Variants in PCSK2 observed in about 807,000 individuals in gnomAD.
PCSK2 encodes the protein proprotein convertase subtilisin/kexin type 2, also known as neuroendocrine convertase 2.
Under a neutral mutation model 69.7 loss-of-function variants are expected in PCSK2, and 14 were observed. That is an observed-to-expected ratio of 0.20 (90% CI 0.13 to 0.31). The LOEUF (loss-of-function observed/expected upper bound fraction) is 0.31, where lower values mean the gene tolerates loss of function less well. PCSK2 is among the 10% of genes least tolerant of loss of function. The probability of loss-of-function intolerance (pLI) is 1.00; values close to 1 mark genes in which losing one functional copy is unlikely to be tolerated. For synonymous variants in PCSK2, 307 were observed against 320.7 expected (o/e 0.96, Z 0.46); for missense variants, 544 against 842.5 (o/e 0.65, Z 4.39).
intron 2 of PCSK2, among the ~76,000 whole-genome samples, chr20:17,272,068 C>A (rs1568578744): frequency 6.6e-6 from 1 of 152,134 alleles, no homozygotes; most frequent in African/African-American, 2.4e-5. Context: ...ATCTATCTTC[C>A]ATGTGAGAAC....
chr20:17,477,434 T>C (rs1388349849), intron 11 of PCSK2, among the ~76,000 whole-genome samples: 1 of 152,046 alleles, frequency 6.6e-6, no homozygotes, highest in African/African-American at 2.4e-5. Flanking sequence ...AATATTTTTT[T>C]CTTAAATCAG....
intron 6 of PCSK2, among the ~76,000 whole-genome samples, chr20:17,425,311 A>G (rs560432018): frequency 6.6e-6 from 1 of 152,280 alleles, no homozygotes; most frequent in East Asian, 1.9e-4. Context: ...CACCAGCCTC[A>G]AAGTGCGCAT....
chr20:17,240,641 G>C (rs1036210220), intron 1 of PCSK2, among the ~76,000 whole-genome samples: 3 of 152,172 alleles, frequency 2.0e-5, no homozygotes, highest in Admixed American at 2.0e-4. Context: ...TTCGTCAGAG[G>C]CTAGAAAGAA....
rs1327503042 is a variant in PCSK2 at position 17,227,215 on chromosome 20, T to C, written c.-91T>C. ...TACAAAGATTTTTTTAAAAACTATA[T>C]ATAAGAATTCTTTATTTGCACCCTC... On this transcript the variant is annotated 5_prime_UTR_variant, in exon 1 of 12. Coordinates refer to ENST00000262545, the MANE Select transcript of PCSK2 (RefSeq NM_002594.5). 1.2e-6 allele frequency: 1 copy of C among 849,564 alleles called. No homozygotes were observed. The highest frequency in any genetic ancestry group is 2.5e-5 in the East Asian group (1 of 40,656). The allele number at this position is 849,564 out of a possible 1,614,324, so 52.6% of individuals were successfully genotyped here. A position where few individuals can be genotyped will look rare whatever the true frequency, so the allele number is the denominator to read the frequency against.
chr20:17,300,528 A>G (rs8125363), intron 2 of PCSK2, among the ~76,000 whole-genome samples: 1 of 152,192 alleles, frequency 6.6e-6, no homozygotes, highest in African/African-American at 2.4e-5. Context: ...CAGTTTTTGC[A>G]TCCCTTTTAG....
Position 17,341,637 on chromosome 20 carries a change from G to A in PCSK2, c.283-16690G>A, listed in dbSNP as rs564082256. Among the ~76,000 whole-genome samples the A allele has an allele frequency of 1.2e-4, 18 of 152,340 alleles. No homozygotes were observed. The South Asian group carries it at 3.5e-3, about 30-fold the overall frequency. ...GCAATTCTTTTGAATTCTAGCAGCA[G>A]ATGGACTATGAGTTCTGCTTTTCAT... On this transcript the variant is annotated intron_variant, in intron 2 of 11. Coordinates refer to ENST00000262545, the MANE Select transcript of PCSK2 (RefSeq NM_002594.5).
chr20:17,414,644 C>T (rs1318747185), intron 6 of PCSK2, among the ~76,000 whole-genome samples: 2 of 152,174 alleles, frequency 1.3e-5, no homozygotes. Context: ...GAAACTATTC[C>T]AGTCAACAGA....
At chr20:17,394,643 CA>C (rs1238737870) in intron 5 of PCSK2, among the ~76,000 whole-genome samples, 2 of 152,138 alleles carry the variant, frequency 1.3e-5, no homozygotes, top group Non-Finnish European at 2.9e-5. Context: ...GTGTCATCTC[CA>C]AAAGGTCTAG....
chr20:17,232,471 A>T (rs1986174707), intron 1 of PCSK2, among the ~76,000 whole-genome samples: 1 of 152,194 alleles, frequency 6.6e-6, no homozygotes, highest in Non-Finnish European at 1.5e-5. Flanking sequence ...GATGATTTGG[A>T]TATCCTCTTT....
At chr20:17,413,426 G>A (rs1039741140) in intron 6 of PCSK2, among the ~76,000 whole-genome samples, 2 of 152,142 alleles carry the variant, frequency 1.3e-5, no homozygotes, top group African/African-American at 2.4e-5. Context: ...AAGATCAAAA[G>A]AGACAAAGAA....
intron 2 of PCSK2, among the ~76,000 whole-genome samples, chr20:17,320,770 C>T (rs1989840585): frequency 6.6e-6 from 1 of 152,170 alleles, no homozygotes; most frequent in South Asian, 2.1e-4. Flanking sequence ...AGAGAAAAGC[C>T]TTCAGGCAGA....
rs74693512 is a variant in PCSK2 at position 17,344,101 on chromosome 20, A to C, written c.283-14226A>C. Among the ~76,000 whole-genome samples the C allele has an allele frequency of 4.4e-3, 669 of 152,350 alleles. 9 individuals are homozygous for C. Among genetic ancestry groups the C allele is most frequent in the African/African-American group, 0.015 (608 of 41,588 alleles). Reference sequence around the variant, plus strand: ...TGTATCTTCCAGGAGCACTATTGCAAAGTCGATTCATTACTTTTTTCATTT... The same window carrying C: ...TGTATCTTCCAGGAGCACTATTGCACAGTCGATTCATTACTTTTTTCATTT... On this transcript the variant is annotated intron_variant, in intron 2 of 11. Coordinates refer to ENST00000262545, the MANE Select transcript of PCSK2 (RefSeq NM_002594.5).
At chr20:17,321,941 C>CT (rs1989880653) in intron 2 of PCSK2, among the ~76,000 whole-genome samples, 1 of 152,156 alleles carries the variant, frequency 6.6e-6, no homozygotes, top group Non-Finnish European at 1.5e-5. Flanking sequence ...ATCGTTCATG[C>CT]TTTGAAAATC....
intron 4 of PCSK2, among the ~76,000 whole-genome samples, chr20:17,365,347 G>A (rs1293333172): frequency 6.6e-6 from 1 of 151,960 alleles, no homozygotes; most frequent in Non-Finnish European, 1.5e-5. Flanking sequence ...ACCTCCTAAA[G>A]GCCCCACTTC....
chr20:17,318,229 G>C (rs1309809225), intron 2 of PCSK2, among the ~76,000 whole-genome samples: 2 of 152,166 alleles, frequency 1.3e-5, no homozygotes, highest in African/African-American at 4.8e-5. Flanking sequence ...CTATAAAGTG[G>C]TCAAAGAAAA....
intron 1 of PCSK2, among the ~76,000 whole-genome samples, chr20:17,248,438 T>C: frequency 6.6e-6 from 1 of 152,290 alleles, no homozygotes; most frequent in South Asian, 2.1e-4. Context: ...GTAAGTCACA[T>C]AGCATCTGTC....
chr20:17,327,616 G>T (rs953132701), intron 2 of PCSK2, among the ~76,000 whole-genome samples: 2 of 152,138 alleles, frequency 1.3e-5, no homozygotes. Context: ...GCAACGCGGC[G>T]CTCCCTCCCA....
At chr20:17,455,130 A>G (rs2032895780) in intron 9 of PCSK2, among the ~76,000 whole-genome samples, 1 of 151,786 alleles carries the variant, frequency 6.6e-6, no homozygotes, top group African/African-American at 2.4e-5. Flanking sequence ...TCCACTCCCT[A>G]CCCCAAAGAC....
chr20:17,401,546 C>A (rs2031637742), intron 5 of PCSK2, among the ~76,000 whole-genome samples: 1 of 152,098 alleles, frequency 6.6e-6, no homozygotes, highest in Admixed American at 6.6e-5. Flanking sequence ...TGGAGGGACA[C>A]CAACATTCAG....
Sources: gnomAD v4.1 joint callset for allele counts (sites outside exome capture counted in the v4.1 genomes callset) on GRCh38, gnomAD v4.1.1 for gene constraint, MANE v1.5 for transcripts, NCBI Gene and HGNC (gene_info 2026-07-23, HGNC 2026-07-21) for gene names.